CLEC16A: variants seen among roughly 807,000 people sequenced by gnomAD.
The protein encoded by CLEC16A is C-type lectin domain containing 16A, also known as protein CLEC16A.
A neutral mutation model predicts 109.5 loss-of-function variants in CLEC16A; 51 were observed. That is an observed-to-expected ratio of 0.47 (90% CI 0.37 to 0.59). The LOEUF (loss-of-function observed/expected upper bound fraction) is 0.59, where lower values mean the gene tolerates loss of function less well. CLEC16A is among the 20% of genes least tolerant of loss of function. The pLI, the probability that CLEC16A is intolerant of heterozygous loss-of-function variation, is 0.00. For synonymous variants in CLEC16A, 673 were observed against 564.2 expected (o/e 1.19, Z -2.73); for missense variants, 1,339 against 1,394.0 (o/e 0.96, Z 0.63).
At chr16:11,085,093 G>C (rs955118194) in intron 19 of CLEC16A, among the ~76,000 whole-genome samples, 1 of 152,206 alleles carries the variant, frequency 6.6e-6, no homozygotes, top group Non-Finnish European at 1.5e-5. Context: ...TCTTCCCCAG[G>C]AGCCTGTCGT....
At chr16:11,144,447 A>G (rs924551131) in intron 22 of CLEC16A, among the ~76,000 whole-genome samples, 2 of 151,874 alleles carry the variant, frequency 1.3e-5, no homozygotes, top group Non-Finnish European at 2.9e-5. Flanking sequence ...TCAGGAAGCC[A>G]CTCAACTGGA....
chr16:11,018,980 G>C (rs1213529561), intron 11 of CLEC16A, among the ~76,000 whole-genome samples: 2 of 152,144 alleles, frequency 1.3e-5, no homozygotes, highest in East Asian at 1.9e-4. Flanking sequence ...ACTTGGGTTT[G>C]TGTGGAGAAT....
intron 19 of CLEC16A, among the ~76,000 whole-genome samples, chr16:11,111,314 A>G (rs2051570393): frequency 6.6e-6 from 1 of 152,214 alleles, no homozygotes; most frequent in African/African-American, 2.4e-5. Context: ...GCTGGCGTGT[A>G]TAGACTGGGA....
chr16:11,154,631 A>G (rs909806772), intron 22 of CLEC16A, among the ~76,000 whole-genome samples: 1 of 152,180 alleles, frequency 6.6e-6, no homozygotes, highest in Non-Finnish European at 1.5e-5. Context: ...ACTTACGAAA[A>G]TGAAAGTCCC....
chr16:10,984,934 G>A (rs1290796514), intron 10 of CLEC16A, among the ~76,000 whole-genome samples: 2 of 152,108 alleles, frequency 1.3e-5, no homozygotes, highest in Non-Finnish European at 2.9e-5. Flanking sequence ...GGGCACGGTG[G>A]CTCACCCCTG....
chr16:11,146,759 T>TGGGA (rs777425596), intron 22 of CLEC16A, among the ~76,000 whole-genome samples: 1 of 64,988 alleles, frequency 1.5e-5, no homozygotes, highest in Non-Finnish European at 3.1e-5. Context: ...GATGGCCGGA[T>TGGGA]GGGAGGGAGG....
At chr16:11,140,821 C>A (rs1405980706) in intron 22 of CLEC16A, among the ~76,000 whole-genome samples, 1 of 152,186 alleles carries the variant, frequency 6.6e-6, no homozygotes, top group Non-Finnish European at 1.5e-5. Flanking sequence ...GGAGCCAGAC[C>A]CCCCAGGTTC....
intron 2 of CLEC16A, among the ~76,000 whole-genome samples, chr16:10,959,014 GGTGTGTGTGTGTGTGTGTGTGTGTGTGT>G (rs59658260): frequency 6.8e-6 from 1 of 146,190 alleles, no homozygotes; most frequent in South Asian, 2.2e-4. Flanking sequence ...ACTAAACACG[GGTGTGTGTGTGTGTGTGTGTGTGTGTGT>G]GTGTGTGTGT....
chr16:11,157,282 C>G, intron 22 of CLEC16A: 1 of 1,161,650 alleles, frequency 8.6e-7, no homozygotes, highest in Non-Finnish European at 1.1e-6. Context: ...GGTGGCAGCT[C>G]AGGCTTGGCC....
rs2049608493 is a variant in CLEC16A at position 11,080,006 on chromosome 16, C to A, written c.2116+18984C>A. On this transcript the variant is annotated intron_variant, in intron 19 of 23. Coordinates refer to ENST00000409790, the MANE Select transcript of CLEC16A (RefSeq NM_015226.3). ...CAGGGCCCCTGGCTTCAGCGGCTTC[C>A]CTTCCTATCATGGCATCTTGTTCCT... Among the ~76,000 whole-genome samples the A allele has an allele frequency of 3.9e-5, 6 of 152,328 alleles. No homozygotes were observed. In the South Asian group the frequency reaches 1.2e-3, roughly 32 times the overall value.
chr16:11,157,484 T>C (rs1184996848), intron 22 of CLEC16A, among the ~76,000 whole-genome samples: 3 of 152,228 alleles, frequency 2.0e-5, no homozygotes, highest in African/African-American at 4.8e-5. Context: ...CTGAGACTTA[T>C]TAAAGGGATA....
intron 23 of CLEC16A, among the ~76,000 whole-genome samples, chr16:11,173,984 G>A (rs950922236): frequency 6.6e-6 from 1 of 152,056 alleles, no homozygotes; most frequent in Admixed American, 6.5e-5. Flanking sequence ...CTGCATGGGG[G>A]GCCAGCGCCC....
chr16:11,014,978 T>G (rs1250898024), intron 11 of CLEC16A, among the ~76,000 whole-genome samples: 1 of 152,192 alleles, frequency 6.6e-6, no homozygotes, highest in African/African-American at 2.4e-5. Flanking sequence ...AGTGAGAATC[T>G]GGGGAGCCCT....
intron 13 of CLEC16A, 49 bp from the exon 14 acceptor site, chr16:11,039,705 G>A: frequency 6.4e-7 from 1 of 1,559,130 alleles, no homozygotes; most frequent in Non-Finnish European, 8.7e-7. Context: ...GGTATGAGGA[G>A]GTCAGGTAGT....
At chr16:11,020,979 T>C (rs1390682547) in intron 12 of CLEC16A, among the ~76,000 whole-genome samples, 1 of 152,210 alleles carries the variant, frequency 6.6e-6, no homozygotes, top group Non-Finnish European at 1.5e-5. Context: ...AGTTATTTCC[T>C]TACCTCGCAG....
intron 11 of CLEC16A, among the ~76,000 whole-genome samples, chr16:11,019,162 G>T (rs781468960): frequency 7.2e-5 from 11 of 152,222 alleles, no homozygotes; most frequent in South Asian, 2.1e-4. Context: ...CCCGAAGGTG[G>T]GGAAAAAGAT....
intron 19 of CLEC16A, among the ~76,000 whole-genome samples, chr16:11,095,679 G>A (rs745973065): frequency 6.6e-6 from 1 of 152,098 alleles, no homozygotes; most frequent in African/African-American, 2.4e-5. Flanking sequence ...GGGCGTGGTG[G>A]CAGGCTCCTG....
chr16:11,175,881 C>T (rs889605718), intron 23 of CLEC16A, among the ~76,000 whole-genome samples: 9 of 152,256 alleles, frequency 5.9e-5, no homozygotes, highest in Admixed American at 3.9e-4. Context: ...TGAATATCTG[C>T]ATGCAAATGC....
chr16:10,982,780 A>G, intron 9 of CLEC16A, 98 bp from the exon 10 acceptor site: 1 of 687,360 alleles, frequency 1.5e-6, no homozygotes, highest in South Asian at 1.7e-5. Context: ...TTAATACAGG[A>G]CTTAGGTAGC....
Sources: gnomAD v4.1 joint callset for allele counts (sites outside exome capture counted in the v4.1 genomes callset) on GRCh38, gnomAD v4.1.1 for gene constraint, MANE v1.5 for transcripts, NCBI Gene and HGNC (gene_info 2026-07-23, HGNC 2026-07-21) for gene names.